The following CGREF1 variants were observed in gnomAD, a reference collection of about 807,000 sequenced individuals.
The protein encoded by CGREF1 is cell growth regulator with EF hand domain protein 1.
A neutral mutation model predicts 17.4 loss-of-function variants in CGREF1; 16 were observed. The ratio of observed to expected loss-of-function variants is 0.92; its 90% CI spans 0.62 to 1.40. The LOEUF is 1.40. Among genes scored for constraint, CGREF1 ranks in the 40% most tolerant of loss-of-function variants. CGREF1 has a pLI of 0.00. For missense variants in CGREF1, 296 were observed against 376.4 expected (o/e 0.79, Z 1.77); for synonymous variants, 142 against 154.6 (o/e 0.92, Z 0.61).
chr2:27,100,501 A>G (rs992176466), downstream of CGREF1: 12 of 1,290,860 alleles, frequency 9.3e-6, no homozygotes, highest in Non-Finnish European at 2.0e-6. Context: ...TCTGGAACAC[A>G]TATTGGAATT....
chr2:27,107,254 T>TTTTGTTTTGTTTTG (rs1553347153), intron 1 of CGREF1, among the ~76,000 whole-genome samples: 4,968 of 151,476 alleles, frequency 0.033, 264 homozygotes, highest in African/African-American at 0.11. Flanking sequence ...GTTCACATTT[T>TTTTGTTTTGTTTTG]TTTTGTTTTG....
downstream of CGREF1, chr2:27,099,439 T>G (rs751508802): frequency 2.7e-5 from 44 of 1,613,870 alleles, no homozygotes; most frequent in Non-Finnish European, 3.7e-5. Context: ...TGTCTGTGCC[T>G]GGGCTGAGGA....
downstream of CGREF1, chr2:27,099,940 CTCAGAGCA>C (rs1437632826): frequency 5.6e-5 from 72 of 1,291,730 alleles, no homozygotes; most frequent in Non-Finnish European, 7.5e-5. Context: ...GATGCAGAGC[CTCAGAGCA>C]AATAAATCTT....
At chr2:27,105,205 A>T (rs1283935974) in intron 1 of CGREF1, among the ~76,000 whole-genome samples, 1 of 152,222 alleles carries the variant, frequency 6.6e-6, no homozygotes, top group Non-Finnish European at 1.5e-5. Context: ...AAGCCAAGGC[A>T]TGAGACCCCA....
chr2:27,116,871 T>TTCTCTCTCTCTCCCTCTCTCTC (rs1671587157), intron 1 of CGREF1, among the ~76,000 whole-genome samples: 1 of 33,680 alleles, frequency 3.0e-5, no homozygotes, highest in Non-Finnish European at 5.9e-5. Flanking sequence ...GCCAGGCCTA[T>TTCTCTCTCTCTCCCTCTCTCTC]TCTCTCTCTC....
downstream of CGREF1, chr2:27,100,070 G>C (rs1482244034): frequency 3.3e-6 from 2 of 611,436 alleles, no homozygotes; most frequent in South Asian, 2.0e-5. Flanking sequence ...TAACCTCTCC[G>C]CCCAGGCCCA....
intron 4 of CGREF1, 32 bp from the exon 5 acceptor site, chr2:27,102,253 T>G: frequency 6.2e-7 from 1 of 1,610,770 alleles, no homozygotes; most frequent in African/African-American, 1.3e-5. Flanking sequence ...TTAGAAGAGG[T>G]GCCGGGGGAG....
intron 1 of CGREF1, among the ~76,000 whole-genome samples, chr2:27,112,026 T>C (rs2148396321): frequency 6.6e-6 from 1 of 152,190 alleles, no homozygotes; most frequent in African/African-American, 2.4e-5. Context: ...CACCAGCACT[T>C]TGGGAGGCTG....
chr2:27,103,828 C>T (rs1397364718), intron 2 of CGREF1, among the ~76,000 whole-genome samples: 1 of 151,840 alleles, frequency 6.6e-6, no homozygotes, highest in Non-Finnish European at 1.5e-5. Flanking sequence ...ACTAAAAATA[C>T]AAAAATTAGC....
chr2:27,115,967 A>C (rs1004533740), intron 1 of CGREF1, among the ~76,000 whole-genome samples: 1 of 152,156 alleles, frequency 6.6e-6, no homozygotes, highest in African/African-American at 2.4e-5. Flanking sequence ...TAATCCCAGT[A>C]CTTCGCAGGC....
chr2:27,102,692 C>T, intron 2 of CGREF1, 101 bp from the exon 3 acceptor site: 2 of 1,319,454 alleles, frequency 1.5e-6, no homozygotes, highest in East Asian at 4.8e-5. Context: ...CTCCCCAGAC[C>T]CAAAGGGAGT....
chr2:27,117,558 C>T (rs1056353180), intron 1 of CGREF1, among the ~76,000 whole-genome samples: 5 of 152,230 alleles, frequency 3.3e-5, no homozygotes, highest in African/African-American at 9.6e-5. Context: ...AATGACCCTC[C>T]GGCCCCAGTG....
intron 1 of CGREF1, among the ~76,000 whole-genome samples, chr2:27,109,306 A>G (rs918650162): frequency 6.6e-6 from 1 of 151,470 alleles, no homozygotes; most frequent in Admixed American, 6.6e-5. Flanking sequence ...CAAGAGGTGA[A>G]GGAGGCAGTG....
chr2:27,099,872 G>A, downstream of CGREF1: 3 of 1,550,004 alleles, frequency 1.9e-6, no homozygotes, highest in Middle Eastern at 2.2e-4. Context: ...GCTGTGGGGA[G>A]GACTCTGCCT....
At position 27,101,407 on chromosome 2, in the gene CGREF1, TCCCC is replaced by T; in HGVS notation, c.820_823del (p.Gly274LysfsTer47). 4 of 1,569,394 alleles carry T rather than the reference TCCCC, an allele frequency of 2.5e-6. No individual in the cohort carries two copies. The highest frequency in any genetic ancestry group is 1.2e-5 in the South Asian group (1 of 85,610). On this transcript the variant is annotated frameshift_variant, in exon 6 of 6. Transcript: ENST00000402394. LOFTEE classifies it low-confidence loss of function (END_TRUNC). Reference sequence around the variant, plus strand: ...CCTGGCCTCTGCCTGGCCCCCAGCTTCCCCTCTGGGCCCGGGGGCATCTCCTTCA... The same window carrying T: ...CCTGGCCTCTGCCTGGCCCCCAGCTTTCTGGGCCCGGGGGCATCTCCTTCA...
At chr2:27,114,196 T>C (rs972478858) in intron 1 of CGREF1, among the ~76,000 whole-genome samples, 2 of 151,880 alleles carry the variant, frequency 1.3e-5, no homozygotes, top group Non-Finnish European at 2.9e-5. Context: ...GGTTTCACCA[T>C]GTTGGCCAGG....
downstream of CGREF1, chr2:27,100,459 T>C (rs1670750206): frequency 1.5e-6 from 2 of 1,291,048 alleles, no homozygotes; most frequent in Non-Finnish European, 2.0e-6. Flanking sequence ...TGACCCAGGA[T>C]ACAGAGTGTT....
At chr2:27,100,078 C>A (rs1670716431), downstream of CGREF1, 4 of 605,678 alleles carry the variant, frequency 6.6e-6, no homozygotes, top group Non-Finnish European at 8.7e-6. Context: ...CCGCCCAGGC[C>A]CAGAGGAGGG....
At position 27,101,856 on chromosome 2, in the gene CGREF1, G is replaced by C. The variant is rs2384571; in HGVS notation, c.375C>G (p.Thr125=). ...VILIVDKVLE[T]QDLNGDGLMT... ...TGAGCCCATCCCCATTCAGGTCCTG[G>C]GTCTCGAGCACTTTGTCCACTATCA... Residue 125 remains threonine, a synonymous_variant, in exon 6 of 6, where the codon ACC becomes ACG. Transcript: ENST00000402394. 0.61 allele frequency: 984,793 copies of C among 1,613,194 alleles called. 305,711 individuals carry two copies. Among genetic ancestry groups the C allele is most frequent in the East Asian group, 0.78 (34,973 of 44,848 alleles).
Sources: allele counts gnomAD v4.1 joint callset (sites outside exome capture counted in the v4.1 genomes callset), GRCh38; gene constraint gnomAD v4.1.1; transcripts MANE v1.5; gene names NCBI Gene and HGNC (gene_info 2026-07-23, HGNC 2026-07-21).